Variants in CLDN15 observed in about 807,000 individuals in gnomAD.
CLDN15 encodes the protein claudin-15.
Under a neutral mutation model 24.5 loss-of-function variants are expected in CLDN15, and 9 were observed. That is an observed-to-expected ratio of 0.37 (90% CI 0.22 to 0.64). The LOEUF is 0.64. Ranked by LOEUF, CLDN15 falls within the 30% of genes least tolerant of loss-of-function variation. The pLI, the probability that CLDN15 is intolerant of heterozygous loss-of-function variation, is 0.63. For missense variants in CLDN15, 248 were observed against 305.9 expected (o/e 0.81, Z 1.41); for synonymous variants, 149 against 131.4 (o/e 1.13, Z -0.92).
In CLDN15 at chr7:101,233,956, C is replaced by T. The variant is rs141570245; in HGVS notation, c.382+322G>A. The stretch of plus-strand genomic sequence containing the variant: ...ACTGTGGACGTGCACTGTGTGTGTG[C>T]GCCATAGCGTGCACCCTAACTCTGC... On this transcript the variant is annotated intron_variant, in intron 2 of 4. Coordinates refer to ENST00000308344, the MANE Select transcript of CLDN15 (RefSeq NM_014343.3). 15 of 495,512 alleles carry T rather than the reference C, an allele frequency of 3.0e-5. No homozygotes were observed. The East Asian group carries it at 3.8e-4, about 12-fold the overall frequency. 30.7% of individuals were successfully genotyped at this position (495,512 alleles called of 1,614,324 possible).
At chr7:101,235,497 G>C (rs1798604970) in intron 1 of CLDN15, among the ~76,000 whole-genome samples, 1 of 152,200 alleles carries the variant, frequency 6.6e-6, no homozygotes, top group Non-Finnish European at 1.5e-5. Context: ...GTCTTTCAGT[G>C]CCTCAGTTTC....
intron 4 of CLDN15, 24 bp downstream of exon 4, chr7:101,232,580 C>T (rs746737793): frequency 3.1e-6 from 5 of 1,595,926 alleles, no homozygotes; most frequent in Non-Finnish European, 8.5e-7. Flanking sequence ...CGCCCGGCCC[C>T]AGCCTGCGCC....
In CLDN15 at chr7:101,234,647, G is replaced by A. The variant is rs193094988; in HGVS notation, c.218-205C>T. ...TCACCATGTTGTCCAGGCTGGTCTC[G>A]AACTCCTGACCCCAAATGATCTGCT... On this transcript the variant is annotated intron_variant, in intron 1 of 4. Coordinates refer to ENST00000308344, the MANE Select transcript of CLDN15 (RefSeq NM_014343.3). 1.6e-3 allele frequency among the ~76,000 whole-genome samples: 245 copies of A among 151,956 alleles called. 1 individual carries two copies. The highest frequency in any genetic ancestry group is 5.5e-3 in the African/African-American group (230 of 41,456).
In CLDN15 at chr7:101,233,493, AATTG is replaced by A. The variant is rs549569099; in HGVS notation, c.383-583_383-580del. Among the ~76,000 whole-genome samples, 9 of 152,286 alleles carry A rather than the reference AATTG, an allele frequency of 5.9e-5. No individual in the cohort carries two copies. In the South Asian group the frequency reaches 1.9e-3, roughly 32 times the overall value. On this transcript the variant is annotated intron_variant, in intron 2 of 4. Coordinates refer to ENST00000308344, the MANE Select transcript of CLDN15 (RefSeq NM_014343.3). ...GCAATGGGTACAGAAATGTTCTGCAAATTGAAAAGCAATGGCCAGATGGCATTGT... is the reference window on the plus strand; with the variant it reads ...GCAATGGGTACAGAAATGTTCTGCAAAAAAGCAATGGCCAGATGGCATTGT...
chr7:101,234,016 G>T (rs921334446), intron 2 of CLDN15: 1 of 663,388 alleles, frequency 1.5e-6, no homozygotes, highest in South Asian at 1.5e-5. Context: ...GGAGGCAGCC[G>T]CTCACTCTTA....
rs1489177557 is a variant in CLDN15 at position 101,232,509 on chromosome 7, C to G, written c.588G>C (p.Arg196=). Residue 196 remains arginine, a synonymous_variant, in exon 5 of 5, where the codon CGG becomes CGC. Transcript: ENST00000308344. The part of the protein sequence containing the change: ...GSDEDPAASA[R]RPYQAPVSVM... ...CGGACACTGGAGCCTGGTAGGGCCG[C>G]CGGGCGCTGCGGGGAGGGCCCGGGG... The G allele has an allele frequency of 4.3e-6, 7 of 1,612,176 alleles. No homozygotes were observed. The highest frequency in any genetic ancestry group is 1.7e-5 in the Admixed American group (1 of 59,938).
At position 101,232,643 on chromosome 7, in the gene CLDN15, G is replaced by C. The variant is rs746864332; in HGVS notation, c.542C>G (p.Ser181Cys). ...CTCGTCAGAGCCGCAGCAGCAGGCG[G>C]AGCAGAGGCAGAGGCCACCCAGGAT... ...ISILGGLCLC[S>C]ACCCGSDEDP... is the part of the protein sequence containing the mutation. The change falls in exon 4 of 5, where the codon TCC becomes TGC. Residue 181 changes from serine (S) to cysteine (C), a missense_variant. Coordinates refer to ENST00000308344, the MANE Select transcript of CLDN15 (RefSeq NM_014343.3). 1.3e-6 allele frequency: 2 copies of C among 1,586,872 alleles called. No individual in the cohort carries two copies. Among genetic ancestry groups the C allele is most frequent in the South Asian group, 2.3e-5 (2 of 88,296 alleles).
Position 101,237,359 on chromosome 7 carries a change from C to G in CLDN15, c.217+6G>C, listed in dbSNP as rs1798648342. 6.3e-7 allele frequency: 1 copy of G among 1,593,364 alleles called. No homozygotes were observed. Among genetic ancestry groups the G allele is most frequent in the East Asian group, 2.3e-5 (1 of 44,370 alleles). On this transcript the variant is annotated splice_donor_region_variant and intron_variant, in intron 1 of 4. Coordinates refer to ENST00000308344, the MANE Select transcript of CLDN15 (RefSeq NM_014343.3). This position sits in a 1 kb window ranked among gnomAD's most constrained non-coding sequence, Gnocchi z 4.0. ...CTCTCTCCCTGGAGCGCTCCCCACCCCATACCAGAGAGGGCCAGCATGGAC... is the reference window on the plus strand; with the variant it reads ...CTCTCTCCCTGGAGCGCTCCCCACCGCATACCAGAGAGGGCCAGCATGGAC...
At chr7:101,236,567 T>C (rs1798629007) in intron 1 of CLDN15, among the ~76,000 whole-genome samples, 1 of 152,184 alleles carries the variant, frequency 6.6e-6, no homozygotes, top group African/African-American at 2.4e-5. Context: ...GCTCAGTCTC[T>C]GGCATAGGGC....
Position 101,232,858 on chromosome 7 carries a change from A to G in CLDN15, c.439T>C (p.Phe147Leu). The G allele has an allele frequency of 1.2e-6, 2 of 1,613,366 alleles. No homozygotes were observed. The highest frequency in any genetic ancestry group is 2.2e-5 in the East Asian group (1 of 44,854). ...TTGGTTCCGGGGTACAAGGGGTCGA[A>G]GAAGTCCCGGGTGATGTTGAAGGCG... is the stretch of plus-strand genomic sequence containing the variant. ...WYAFNITRDF[F>L]DPLYPGTKYE... Residue 147 changes from phenylalanine to leucine, a missense_variant, in exon 3 of 5, where the codon TTC becomes CTC. Phe to Leu is a conservative substitution (Grantham distance 22, BLOSUM62 0). Coordinates refer to ENST00000308344, the MANE Select transcript of CLDN15 (RefSeq NM_014343.3).
Position 101,232,652 on chromosome 7 carries a change from C to T in CLDN15, c.533G>A (p.Cys178Tyr), listed in dbSNP as rs1482852344. 1 of 1,586,786 alleles carries T rather than the reference C, an allele frequency of 6.3e-7. No homozygotes were observed. The highest frequency in any genetic ancestry group is 8.6e-7 in the Non-Finnish European group (1 of 1,166,972). ...GCCGCAGCAGCAGGCGGAGCAGAGG[C>T]AGAGGCCACCCAGGATGGAGATCAG... ...ASLISILGGLCLCSACCCGSD... is the reference protein window; with the variant it reads ...ASLISILGGLYLCSACCCGSD... Residue 178 changes from cysteine (C) to tyrosine (Y), a missense_variant, in exon 4 of 5, where the codon TGC (cysteine) becomes TAC (tyrosine). Transcript: ENST00000308344.
intron 1 of CLDN15, among the ~76,000 whole-genome samples, chr7:101,235,149 C>T (rs1010669035): frequency 6.6e-6 from 1 of 152,200 alleles, no homozygotes; most frequent in African/African-American, 2.4e-5. Flanking sequence ...GCCTTCCCCA[C>T]GTCTGATTCC....
At chr7:101,236,986 C>T in intron 1 of CLDN15, 1 of 425,382 alleles carries the variant, frequency 2.4e-6, no homozygotes, top group Non-Finnish European at 4.6e-6. Context: ...TACTGAGTGC[C>T]TATGTGTGTT....
At chr7:101,232,557 C>A (rs936223935) in intron 4 of CLDN15, 42 bp from the exon 5 acceptor site, 1 of 1,597,190 alleles carries the variant, frequency 6.3e-7, no homozygotes, top group Admixed American at 1.7e-5. Flanking sequence ...CGCGGCCCTC[C>A]TCTCTCCAAT....
Position 101,237,236 on chromosome 7 carries a change from C to G in CLDN15, c.217+129G>C. The G allele has an allele frequency of 1.4e-6, 1 of 700,158 alleles. No individual in the cohort carries two copies. Among genetic ancestry groups the G allele is most frequent in the Non-Finnish European group, 2.5e-6 (1 of 395,320 alleles). 43.4% of individuals were successfully genotyped at this position (700,158 alleles called of 1,614,324 possible). A position where few individuals can be genotyped will look rare whatever the true frequency, so the allele number is the denominator to read the frequency against. On this transcript the variant is annotated intron_variant, in intron 1 of 4. Transcript: ENST00000308344. The surrounding 1 kb of genome is among the most constrained non-coding windows in gnomAD (Gnocchi z 4.0). ...CATGGGCCGCCCCCAGCACTCCTGG[C>G]TGCGGGAACTCAGACCCGCAGAGCT...
rs1798582145 is a variant in CLDN15 at position 101,234,268 on chromosome 7, C to A, written c.382+10G>T. ...GGGGGACCCCCGCCCCATCACCTTC[C>A]CCCAGTTACCGGCCAGAATGTGGAG... is the stretch of plus-strand genomic sequence containing the variant. On this transcript the variant is annotated intron_variant, in intron 2 of 4. Coordinates refer to ENST00000308344, the MANE Select transcript of CLDN15 (RefSeq NM_014343.3). 1 of 1,599,410 alleles carries A rather than the reference C, an allele frequency of 6.3e-7. No homozygotes were observed.
chr7:101,236,237 C>T (rs1251629412), intron 1 of CLDN15, among the ~76,000 whole-genome samples: 1 of 151,872 alleles, frequency 6.6e-6, no homozygotes, highest in East Asian at 1.9e-4. Flanking sequence ...CCAAGTTGTA[C>T]TCAGCTTTTA....
rs1267714270 is a variant in CLDN15, at chr7:101,237,420, G to A, written c.162C>T (p.Thr54=). 6.8e-6 allele frequency: 11 copies of A among 1,613,574 alleles called. No individual in the cohort carries two copies. The highest frequency in any genetic ancestry group is 1.6e-4 in the Middle Eastern group (1 of 6,084). The change falls in exon 1 of 5, where the codon ACC becomes ACT. Residue 54 remains threonine, a synonymous_variant. Coordinates refer to ENST00000308344, the MANE Select transcript of CLDN15 (RefSeq NM_014343.3). The surrounding 1 kb of genome is among the most constrained non-coding windows in gnomAD (Gnocchi z 4.0). ...AGCAGTTGTAGACGCCCAGGGAGTC[G>A]GTGGCACAGCTAAACCAGAGGTTCT... ...IFENLWFSCA[T]DSLGVYNCWE...
At chr7:101,236,472 G>T (rs1284130094) in intron 1 of CLDN15, among the ~76,000 whole-genome samples, 1 of 152,184 alleles carries the variant, frequency 6.6e-6, no homozygotes, top group Non-Finnish European at 1.5e-5. Context: ...CTCCTTCCCT[G>T]CCACACGGTG....
Sources: allele counts gnomAD v4.1 joint callset (sites outside exome capture counted in the v4.1 genomes callset), GRCh38; gene constraint gnomAD v4.1.1; non-coding constraint Gnocchi (gnomAD v3.1); transcripts MANE v1.5; gene names NCBI Gene and HGNC (gene_info 2026-07-23, HGNC 2026-07-21).